The following MRPS35 variants were observed in gnomAD, a reference collection of about 807,000 sequenced individuals.
MRPS35 encodes the protein mitochondrial ribosomal protein S35.
Under a neutral mutation model 32.7 loss-of-function variants are expected in MRPS35, and 29 were observed. That is an observed-to-expected ratio of 0.89 (90% CI 0.66 to 1.21). The LOEUF (loss-of-function observed/expected upper bound fraction) is 1.21. Among genes scored for constraint, MRPS35 ranks in the 50% most tolerant of loss-of-function variants. The pLI is 0.00. For synonymous variants in MRPS35, 148 were observed against 139.3 expected, an observed-to-expected ratio of 1.06 and a Z score of -0.44; for missense variants, 373 against 383.8, an observed-to-expected ratio of 0.97 and a Z score of 0.23.
chr12:27,754,902 A>T (rs1026835740), intron 7 of MRPS35, among the ~76,000 whole-genome samples: 6 of 152,160 alleles, frequency 3.9e-5, no homozygotes, highest in African/African-American at 1.4e-4. Context: ...GATTGTAATT[A>T]TGTGGATAGA....
At chr12:27,733,708 C>T (rs1198966798) in intron 5 of MRPS35, among the ~76,000 whole-genome samples, 3 of 152,144 alleles carry the variant, frequency 2.0e-5, no homozygotes, top group South Asian at 2.1e-4. Flanking sequence ...TTTTATCTGT[C>T]AAGTCAGTAA....
intron 5 of MRPS35, 151 bp from the exon 6 acceptor site, chr12:27,735,296 A>G: frequency 1.8e-6 from 1 of 541,246 alleles, no homozygotes; most frequent in Non-Finnish European, 3.2e-6. Context: ...CAGGGTTTAT[A>G]ATATGTCCCA....
At chr12:27,719,759 T>G (rs1182433202) in intron 3 of MRPS35, 49 bp from the exon 4 acceptor site, 1 of 1,154,232 alleles carries the variant, frequency 8.7e-7, no homozygotes, top group Non-Finnish European at 1.3e-6. Context: ...ATCTTTTTCA[T>G]GTTTTTAAGA....
At chr12:27,742,100 T>C (rs35512749) in intron 7 of MRPS35, among the ~76,000 whole-genome samples, 18,418 of 152,146 alleles carry the variant, frequency 0.12, 1,384 homozygotes, top group East Asian at 0.18. Flanking sequence ...CCAATAAAAA[T>C]TAAAAATTTC....
intron 5 of MRPS35, among the ~76,000 whole-genome samples, chr12:27,733,030 A>ATC (rs1466448196): frequency 8.4e-4 from 103 of 123,200 alleles, no homozygotes; most frequent in African/African-American, 2.8e-3. Flanking sequence ...ATATATATAT[A>ATC]TATATATATA....
intron 4 of MRPS35, among the ~76,000 whole-genome samples, chr12:27,720,096 A>T (rs1375836061): frequency 6.6e-6 from 1 of 152,144 alleles, no homozygotes; most frequent in Non-Finnish European, 1.5e-5. Context: ...GAGTTTTAGA[A>T]AACATGCACA....
In MRPS35 at chr12:27,728,680, G is replaced by A. The variant is rs1478157470; in HGVS notation, c.522+4494G>A. Among the ~76,000 whole-genome samples the A allele has an allele frequency of 2.0e-5, 3 of 152,126 alleles. No individual in the cohort carries two copies. The East Asian group carries it at 5.8e-4, about 29-fold the overall frequency. On this transcript the variant is annotated intron_variant, in intron 5 of 7. Coordinates refer to ENST00000081029, the MANE Select transcript of MRPS35 (RefSeq NM_021821.4). ...TGTATTTGGTAATGATGTATCTTAT[G>A]TTATCTGGAATGGCAAACAACCCCA...
chr12:27,732,989 TATATATA>T (rs1399271333), intron 5 of MRPS35, among the ~76,000 whole-genome samples: 1 of 220 alleles, frequency 4.5e-3, no homozygotes, highest in African/African-American at 0.015. Flanking sequence ...CATTTGAAGA[TATATATA>T]TATATATATA....
At chr12:27,723,704 C>A (rs2061886690) in intron 4 of MRPS35, among the ~76,000 whole-genome samples, 1 of 152,154 alleles carries the variant, frequency 6.6e-6, no homozygotes, top group Non-Finnish European at 1.5e-5. Flanking sequence ...GCACTATGAA[C>A]TGTTTGCTTT....
intron 7 of MRPS35, among the ~76,000 whole-genome samples, chr12:27,753,139 C>T (rs912312833): frequency 6.6e-5 from 10 of 152,044 alleles, no homozygotes; most frequent in Non-Finnish European, 1.0e-4. Context: ...TGTCCACAGC[C>T]ATAAATTTAT....
chr12:27,722,035 TAAA>T (rs2061878552), intron 4 of MRPS35, among the ~76,000 whole-genome samples: 1 of 152,050 alleles, frequency 6.6e-6, no homozygotes, highest in East Asian at 1.9e-4. Flanking sequence ...AACATAAAAA[TAAA>T]AAAGTTTAAA....
At chr12:27,744,979 G>A (rs545860904) in intron 7 of MRPS35, among the ~76,000 whole-genome samples, 9 of 152,040 alleles carry the variant, frequency 5.9e-5, no homozygotes, top group Non-Finnish European at 1.2e-4. Context: ...ACAGTGAGGC[G>A]GGGTCTCACT....
chr12:27,727,889 G>A (rs148872377), intron 5 of MRPS35, among the ~76,000 whole-genome samples: 54 of 152,138 alleles, frequency 3.5e-4, no homozygotes, highest in African/African-American at 1.2e-3. Context: ...TTTGAATATT[G>A]AATATAACCT....
intron 5 of MRPS35, chr12:27,725,651 A>G: frequency 5.4e-6 from 1 of 184,232 alleles, no homozygotes; most frequent in Non-Finnish European, 1.2e-5. Flanking sequence ...CCTACATATT[A>G]CCTGTCAACT....
In MRPS35 at chr12:27,754,765, CAAAAAAA is replaced by C. The variant is rs149548847; in HGVS notation, c.703-401_703-395del. 8.7e-5 allele frequency among the ~76,000 whole-genome samples: 9 copies of C among 103,532 alleles called. No homozygotes were observed. In the East Asian group the frequency reaches 1.1e-3, roughly 12 times the overall value. The allele number at this position is 103,532 out of a possible 152,430, so 67.9% of individuals were successfully genotyped here. A position where few individuals can be genotyped will look rare whatever the true frequency, so the allele number is the denominator to read the frequency against. On this transcript the variant is annotated intron_variant, in intron 7 of 7. Coordinates refer to ENST00000081029, the MANE Select transcript of MRPS35 (RefSeq NM_021821.4). ...CTGGGTGACAGAGTGAGACCCATCT[CAAAAAAA>C]AAAAAAAAAAAAAAGTGAAATCTTG...
At position 27,755,325 on chromosome 12, in the gene MRPS35, C is replaced by T; in HGVS notation, c.847C>T (p.Leu283Phe). The T allele has an allele frequency of 1.2e-6, 2 of 1,611,786 alleles. No homozygotes were observed. The highest frequency in any genetic ancestry group is 1.7e-6 in the Non-Finnish European group (2 of 1,179,548). Residue 283 changes from leucine to phenylalanine, a missense_variant, in exon 8 of 8, where the codon CTC (leucine) becomes TTC (phenylalanine). By Grantham distance (22) the Leu-to-Phe change is conservative. Coordinates refer to ENST00000081029, the MANE Select transcript of MRPS35 (RefSeq NM_021821.4). ...AAATATGGAAATAAATAAAGAAGAG[C>T]TCCTTGGTACTAAAGAAATTGAAGA... is the stretch of plus-strand genomic sequence containing the variant. Reference protein sequence around the residue: ...EKNMEINKEELLGTKEIEEYK... With the variant: ...EKNMEINKEEFLGTKEIEEYK...
intron 2 of MRPS35, among the ~76,000 whole-genome samples, chr12:27,715,726 A>G (rs184007797): frequency 6.6e-6 from 1 of 152,306 alleles, no homozygotes; most frequent in Admixed American, 6.5e-5. Context: ...TATAAACCCT[A>G]CTTTTGTATG....
chr12:27,755,106 A>T, intron 7 of MRPS35, 75 bp from the exon 8 acceptor site: 1 of 1,424,566 alleles, frequency 7.0e-7, no homozygotes, highest in Non-Finnish European at 9.4e-7. Flanking sequence ...AAGAAGAAAG[A>T]AAGGAAGAAA....
chr12:27,751,102 C>CAAAA lies in MRPS35; in HGVS notation c.703-4058_703-4055dup, dbSNP rs71438703. On this transcript the variant is annotated intron_variant, in intron 7 of 7. Coordinates refer to ENST00000081029, the MANE Select transcript of MRPS35 (RefSeq NM_021821.4). ...TGGGTGACAGAGTGAGACTCCATCT[C>CAAAA]AAAAAAAAAAAAAAAAAAAAAAAAG... is the stretch of plus-strand genomic sequence containing the variant. Among the ~76,000 whole-genome samples, 183 of 38,068 alleles carry CAAAA rather than the reference C, an allele frequency of 4.8e-3. 9 individuals are homozygous for CAAAA. Among genetic ancestry groups the CAAAA allele is most frequent in the South Asian group, 5.4e-3 (3 of 556 alleles). 25.0% of individuals were successfully genotyped at this position (38,068 alleles called of 152,430 possible).
Sources: allele counts gnomAD v4.1 joint callset (sites outside exome capture counted in the v4.1 genomes callset), GRCh38; gene constraint gnomAD v4.1.1; transcripts MANE v1.5; gene names NCBI Gene and HGNC (gene_info 2026-07-23, HGNC 2026-07-21).